Variants in SCART1 observed in about 807,000 individuals in gnomAD.
SCART1 encodes scavenger receptor family member expressed on T cells 1, also known as scavenger receptor cysteine-rich domain-containing protein SCART1.
A neutral mutation model predicts 36.2 loss-of-function variants in SCART1; 62 were observed. The observed-to-expected ratio is 1.71, with a 90% confidence interval of 1.40 to 2.12. SCART1 has a LOEUF of 2.12. SCART1 is among the 30% of genes most tolerant of loss of function. The probability of loss-of-function intolerance (pLI) is 0.00; values close to 1 mark genes in which losing one functional copy is unlikely to be tolerated. For synonymous variants in SCART1, 487 were observed against 238.7 expected (o/e 2.04, Z -9.59); for missense variants, 1,041 against 540.5 (o/e 1.93, Z -9.18).
chr10:133,460,013 C>T (rs759592970), exon 6 of SCART1: 3 of 528,030 alleles, frequency 5.7e-6, no homozygotes, highest in Non-Finnish European at 9.9e-6. Flanking sequence ...GCGCCCTGAG[C>T]GCCCTGGGGG....
Position 133,460,471 on chromosome 10 carries a change from C to CATATATATATATATATATATATAT in SCART1, c.1969+319_1969+320insATATATATATATATATATATATAT, listed in dbSNP as rs55751015. On this transcript the variant is annotated intron_variant, in intron 6 of 11. Transcript: ENST00000640237. ...GCGCTTGAAGTTTCCATCCGAAATTCATATATATATATATATATTTATATA... is the reference window on the plus strand; with the variant it reads ...GCGCTTGAAGTTTCCATCCGAAATTCATATATATATATATATATATATATATATATATATATATATATTTATATA... 2.1e-3 allele frequency among the ~76,000 whole-genome samples: 293 copies of CATATATATATATATATATATATAT among 136,346 alleles called. 5 individuals are homozygous for CATATATATATATATATATATATAT. Among genetic ancestry groups the CATATATATATATATATATATATAT allele is most frequent in the African/African-American group, 7.6e-3 (269 of 35,378 alleles). 89.4% of individuals were successfully genotyped at this position (136,346 alleles called of 152,430 possible).
intron 3 of SCART1, 182 bp downstream of exon 3, chr10:133,457,757 TGA>T: frequency 1.8e-6 from 1 of 559,880 alleles, no homozygotes; most frequent in East Asian, 3.1e-5. Flanking sequence ...AGAGTGGAGC[TGA>T]GTTTCTGGTG....
At chr10:133,460,496 A>ATATATTTTTT in intron 6 of SCART1, among the ~76,000 whole-genome samples, 2 of 136,016 alleles carry the variant, frequency 1.5e-5, no homozygotes, top group South Asian at 2.7e-4. Context: ...ATATTTATAT[A>ATATATTTTTT]TTTTAAAAAA....
chr10:133,469,649 G>A (rs1223200001), downstream of SCART1, among the ~76,000 whole-genome samples: 3 of 152,102 alleles, frequency 2.0e-5, no homozygotes, highest in Admixed American at 6.5e-5. Context: ...GGTAGATGAC[G>A]GGTTGATGGG....
At chr10:133,459,113 G>T (rs916029742) in exon 5 of SCART1, 4 of 702,742 alleles carry the variant, frequency 5.7e-6, no homozygotes, top group African/African-American at 3.5e-5. Flanking sequence ...CACCCACTGG[G>T]ACATAGCAGA....
At chr10:133,462,520 G>T (rs1850714049) in intron 6 of SCART1, among the ~76,000 whole-genome samples, 1 of 152,210 alleles carries the variant, frequency 6.6e-6, no homozygotes, top group Non-Finnish European at 1.5e-5. Flanking sequence ...CAGAGATAAA[G>T]CCATCGTGAA....
intron 10 of SCART1, among the ~76,000 whole-genome samples, 178 bp downstream of exon 10, chr10:133,466,559 G>C (rs1211248847): frequency 6.6e-6 from 1 of 152,224 alleles, no homozygotes; most frequent in South Asian, 2.1e-4. Flanking sequence ...GACAAATCCA[G>C]TTCCTTAGAA....
chr10:133,464,613 G>A (rs1327543745), exon 7 of SCART1: 1 of 649,992 alleles, frequency 1.5e-6, no homozygotes, highest in East Asian at 2.7e-5. Context: ...CAGAGTCGGT[G>A]GCTCTGAGGC....
chr10:133,457,562 G>T (rs1415082691), exon 3 of SCART1: 1 of 700,180 alleles, frequency 1.4e-6, no homozygotes, highest in South Asian at 1.5e-5. Context: ...TGGACGCAGA[G>T]GTGGTCTGCT....
intron 1 of SCART1, among the ~76,000 whole-genome samples, chr10:133,455,486 G>A (rs1850596954): frequency 6.6e-6 from 1 of 151,994 alleles, no homozygotes; most frequent in African/African-American, 2.4e-5. Flanking sequence ...TTTTCTGGGT[G>A]TGGAGAGTCC....
At chr10:133,459,700 G>A in exon 6 of SCART1, 1 of 700,266 alleles carries the variant, frequency 1.4e-6, no homozygotes, top group Non-Finnish European at 2.6e-6. Context: ...GCGCTGAGCC[G>A]CGTGCGCTGT....
intron 10 of SCART1, among the ~76,000 whole-genome samples, chr10:133,466,684 CAG>C (rs1383638621): frequency 6.6e-6 from 1 of 152,232 alleles, no homozygotes; most frequent in Non-Finnish European, 1.5e-5. Context: ...TTATATACCT[CAG>C]GGGAAGGGGA....
chr10:133,464,313 TGCA>T, intron 6 of SCART1: 1 of 249,398 alleles, frequency 4.0e-6, no homozygotes, highest in Non-Finnish European at 6.9e-6. Context: ...AACCTGGGCG[TGCA>T]GTGAACCTGG....
Position 133,456,622 on chromosome 10 carries a change from TGGGAGGACGCAG to T in SCART1, c.385+69_385+80del, listed in dbSNP as rs1850617179. ...GGAGTGGGAGGACGAGGAGGAGGAC[TGGGAGGACGCAG>T]AGGAGGACTGGGAGGATGGCGGGTC... On this transcript the variant is annotated intron_variant, in intron 2 of 11. Coordinates refer to ENST00000640237, the Ensembl canonical transcript of SCART1. The T allele has an allele frequency of 2.0e-5, 12 of 597,862 alleles. No homozygotes were observed. The East Asian group carries it at 3.4e-4, about 17-fold the overall frequency. The allele number at this position is 597,862 out of a possible 1,614,324, so 37.0% of individuals were successfully genotyped here. A position where few individuals can be genotyped will look rare whatever the true frequency, so the allele number is the denominator to read the frequency against.
exon 9 of SCART1, chr10:133,465,309 C>T (rs542681824): frequency 1.5e-6 from 1 of 681,686 alleles, no homozygotes; most frequent in African/African-American, 1.8e-5. Context: ...GCGTGGAGCT[C>T]TGGCACGCGG....
At chr10:133,463,827 A>G (rs73395365) in intron 6 of SCART1, among the ~76,000 whole-genome samples, 7,253 of 152,132 alleles carry the variant, frequency 0.048, 514 homozygotes, top group African/African-American at 0.16. Flanking sequence ...CGTGTTGGGA[A>G]CATTCAATAT....
At chr10:133,459,694 T>C (rs146322660) in exon 6 of SCART1, 1 of 699,988 alleles carries the variant, frequency 1.4e-6, no homozygotes. Flanking sequence ...CAGGTGGCGC[T>C]GAGCCGCGTG....
At chr10:133,457,668 C>T (rs919182361) in intron 3 of SCART1, 93 bp downstream of exon 3, 15 of 591,882 alleles carry the variant, frequency 2.5e-5, no homozygotes, top group South Asian at 1.8e-4. Context: ...GGCGTTCCCA[C>T]GGATGGGCCC....
exon 6 of SCART1, chr10:133,459,856 C>G (rs1850673997): frequency 1.8e-6 from 1 of 563,688 alleles, no homozygotes; most frequent in Admixed American, 3.3e-5. Context: ...ATCCCGGGCG[C>G]CCTGACTCTG....
Sources: gnomAD v4.1 joint callset for allele counts (sites outside exome capture counted in the v4.1 genomes callset) on GRCh38, gnomAD v4.1.1 for gene constraint, MANE v1.5 for transcripts, NCBI Gene and HGNC (gene_info 2026-07-23, HGNC 2026-07-21) for gene names.